GRIA1: variants seen among roughly 807,000 people sequenced by gnomAD.
GRIA1 encodes glutamate receptor 1.
In GRIA1, 31 loss-of-function variants were observed where a neutral mutation model predicts 99.2. The ratio of observed to expected loss-of-function variants is 0.31; its 90% CI spans 0.23 to 0.42. The LOEUF (loss-of-function observed/expected upper bound fraction) is 0.42, where lower values mean the gene tolerates loss of function less well. GRIA1 is among the 10% of genes least tolerant of loss of function. GRIA1 has a pLI of 1.00. For synonymous variants in GRIA1, 438 were observed against 432.4 expected, an observed-to-expected ratio of 1.01 and a Z score of -0.16; for missense variants, 782 against 1,157.5, an observed-to-expected ratio of 0.68 and a Z score of 4.71.
At chr5:153,606,924 C>G (rs1045908312) in intron 2 of GRIA1, among the ~76,000 whole-genome samples, 2 of 104,162 alleles carry the variant, frequency 1.9e-5, no homozygotes, top group Non-Finnish European at 4.1e-5. Flanking sequence ...GTGTAATTTT[C>G]TTTTCTTACA....
Position 153,811,226 on chromosome 5 carries a change from C to T in GRIA1, c.*1C>T, listed in dbSNP as rs746374968. The T allele has an allele frequency of 2.5e-6, 4 of 1,612,738 alleles. No individual in the cohort carries two copies. The highest frequency in any genetic ancestry group is 3.4e-6 in the Non-Finnish European group (4 of 1,178,786). Reference sequence around the variant, plus strand: ...GCCCTTGGGAGCCACGGGATTGTAACTGGAGCAGATGGAGACCCCTTGGGG... The same window carrying T: ...GCCCTTGGGAGCCACGGGATTGTAATTGGAGCAGATGGAGACCCCTTGGGG... On this transcript the variant is annotated 3_prime_UTR_variant, in exon 16 of 16. Coordinates refer to ENST00000285900, the MANE Select transcript of GRIA1 (RefSeq NM_000827.4).
chr5:153,731,962 T>G (rs866578527), intron 11 of GRIA1, among the ~76,000 whole-genome samples: 2 of 152,142 alleles, frequency 1.3e-5, no homozygotes, highest in Non-Finnish European at 2.9e-5. Flanking sequence ...GTTTGACTTT[T>G]TGAGATTCCA....
At chr5:153,498,985 C>T (rs1259502470) in intron 2 of GRIA1, among the ~76,000 whole-genome samples, 1 of 152,074 alleles carries the variant, frequency 6.6e-6, no homozygotes, top group Non-Finnish European at 1.5e-5. Context: ...CTAATAATAT[C>T]TATTACTTAC....
At chr5:153,689,296 G>T (rs184149057) in intron 8 of GRIA1, among the ~76,000 whole-genome samples, 3 of 152,242 alleles carry the variant, frequency 2.0e-5, no homozygotes, top group African/African-American at 7.2e-5. Context: ...CAAGCCTATT[G>T]CTCCTAGATA....
chr5:153,612,210 G>C (rs184973407), intron 2 of GRIA1, among the ~76,000 whole-genome samples: 2 of 152,342 alleles, frequency 1.3e-5, no homozygotes, highest in African/African-American at 4.8e-5. Flanking sequence ...GAAAATATTT[G>C]AATAGATAGG....
chr5:153,526,767 T>C (rs978674701), intron 2 of GRIA1, among the ~76,000 whole-genome samples: 3 of 152,234 alleles, frequency 2.0e-5, no homozygotes, highest in Admixed American at 1.3e-4. Flanking sequence ...AGGGTGAATA[T>C]GTGCACAGGG....
intron 2 of GRIA1, among the ~76,000 whole-genome samples, chr5:153,597,967 A>T (rs962811920): frequency 3.9e-5 from 6 of 152,180 alleles, no homozygotes; most frequent in Non-Finnish European, 8.8e-5. Context: ...AGCCATGTTC[A>T]TGCCACTACA....
At chr5:153,699,203 C>A (rs779309376) in intron 10 of GRIA1, 130 bp downstream of exon 10, 1 of 688,822 alleles carries the variant, frequency 1.5e-6, no homozygotes, top group East Asian at 2.7e-5. Context: ...TGCTGCTGAA[C>A]AGATGAGTCA....
At chr5:153,782,771 C>T (rs891013130) in intron 13 of GRIA1, among the ~76,000 whole-genome samples, 5 of 152,108 alleles carry the variant, frequency 3.3e-5, no homozygotes, top group African/African-American at 7.2e-5. Flanking sequence ...AACAGCCAGG[C>T]GGAAGACGGG....
At chr5:153,502,992 A>G (rs973177148) in intron 2 of GRIA1, among the ~76,000 whole-genome samples, 13 of 152,136 alleles carry the variant, frequency 8.5e-5, no homozygotes, top group African/African-American at 3.1e-4. Flanking sequence ...TTATAACATG[A>G]TTTTTTGCAT....
intron 11 of GRIA1, among the ~76,000 whole-genome samples, chr5:153,763,594 C>A (rs1354612162): frequency 6.6e-6 from 1 of 152,186 alleles, no homozygotes; most frequent in African/African-American, 2.4e-5. Context: ...AAAATCACCA[C>A]AAGTCACATG....
At chr5:153,694,913 G>A (rs1012391200) in intron 8 of GRIA1, among the ~76,000 whole-genome samples, 1 of 151,938 alleles carries the variant, frequency 6.6e-6, no homozygotes, top group African/African-American at 2.4e-5. Context: ...AGGAAAGGAG[G>A]AAGAATAGGA....
chr5:153,739,272 C>T (rs1351934097), intron 11 of GRIA1, among the ~76,000 whole-genome samples: 1 of 152,110 alleles, frequency 6.6e-6, no homozygotes, highest in African/African-American at 2.4e-5. Context: ...ATCTCTTTCA[C>T]TCTCACTCCT....
At position 153,650,392 on chromosome 5, in the gene GRIA1, G is replaced by T. The variant is rs1029405660; in HGVS notation, c.523G>T (p.Val175Phe). ...AAEKNWQVTA[V>F]NILTTTEEGY... ...TGAGAAGAACTGGCAGGTGACAGCAGTCAACATTTTGACAACCACAGAGGA... is the reference window on the plus strand; with the variant it reads ...TGAGAAGAACTGGCAGGTGACAGCATTCAACATTTTGACAACCACAGAGGA... Residue 175 changes from valine to phenylalanine, a missense_variant, in exon 4 of 16, where the codon GTC becomes TTC. Physicochemically the swap from Val to Phe is conservative, Grantham distance 50. Around this residue, in one of 5 missense-constraint regions of GRIA1, gnomAD observed 461 missense variants for 521.7 expected, o/e 0.88. Transcript: ENST00000285900. 6.2e-7 allele frequency: 1 copy of T among 1,613,914 alleles called. No individual in the cohort carries two copies. The highest frequency in any genetic ancestry group is 1.3e-5 in the African/African-American group (1 of 74,924).
At chr5:153,766,029 C>T (rs1426120557) in intron 12 of GRIA1, among the ~76,000 whole-genome samples, 1 of 152,220 alleles carries the variant, frequency 6.6e-6, no homozygotes, top group Non-Finnish European at 1.5e-5. Flanking sequence ...GGAGCAAACT[C>T]CAGGCCCCGA....
intron 7 of GRIA1, among the ~76,000 whole-genome samples, chr5:153,680,149 C>G (rs1581456957): frequency 6.6e-6 from 1 of 152,120 alleles, no homozygotes; most frequent in South Asian, 2.1e-4. Flanking sequence ...ACCTCAAGGG[C>G]ACGGCCAAAC....
intron 3 of GRIA1, among the ~76,000 whole-genome samples, chr5:153,647,958 G>A (rs1330764073): frequency 6.6e-6 from 1 of 152,142 alleles, no homozygotes; most frequent in Non-Finnish European, 1.5e-5. Flanking sequence ...CAACTCCCGT[G>A]ATGTTTGTCT....
intron 2 of GRIA1, among the ~76,000 whole-genome samples, chr5:153,606,469 A>C (rs527885512): frequency 1.3e-5 from 2 of 152,130 alleles, no homozygotes; most frequent in African/African-American, 2.4e-5. Flanking sequence ...GATATAATTT[A>C]ATTACAATCA....
chr5:153,637,914 G>C (rs1753496847), intron 2 of GRIA1, among the ~76,000 whole-genome samples: 1 of 152,178 alleles, frequency 6.6e-6, no homozygotes, highest in South Asian at 2.1e-4. Flanking sequence ...CATTATATTA[G>C]CAGAAAAATG....
Sources: gnomAD v4.1 joint callset for allele counts (sites outside exome capture counted in the v4.1 genomes callset) on GRCh38, gnomAD v4.1.1 for gene constraint, gnomAD v4.1.1 regional missense constraint, MANE v1.5 for transcripts, NCBI Gene and HGNC (gene_info 2026-07-23, HGNC 2026-07-21) for gene names.